Variants in MUC4 observed in about 807,000 individuals in gnomAD.
The protein encoded by MUC4 is mucin 4, cell surface associated.
In MUC4, 202 loss-of-function variants were observed where a neutral mutation model predicts 257.9. That is an observed-to-expected ratio of 0.78 (90% confidence interval 0.70 to 0.88). The LOEUF is 0.88. MUC4 is among the 40% of genes least tolerant of loss of function. The probability of loss-of-function intolerance (pLI) is 0.00; values close to 1 mark genes in which losing one functional copy is unlikely to be tolerated. For missense variants in MUC4, 5,976 were observed against 6,513.7 expected, an observed-to-expected ratio of 0.92 and a Z score of 2.84; for synonymous variants, 2,351 against 2,757.1, an observed-to-expected ratio of 0.85 and a Z score of 4.62.
At position 195,784,622 on chromosome 3, in the gene MUC4, G is replaced by C. The variant is rs375953305; in HGVS notation, c.6958C>G (p.Pro2320Ala). 1 of 1,324,074 alleles carries C rather than the reference G, an allele frequency of 7.6e-7. No homozygotes were observed. The highest frequency in any genetic ancestry group is 3.0e-5 in the East Asian group (1 of 33,188). The allele number at this position is 1,324,074 out of a possible 1,614,324, so 82.0% of individuals were successfully genotyped here. A position where few individuals can be genotyped will look rare whatever the true frequency, so the allele number is the denominator to read the frequency against. The change falls in exon 2 of 25, where the codon CCT (proline) becomes GCT (alanine). Residue 2320 changes from proline to alanine, a missense_variant. This residue lies in a region of MUC4 where 62 missense variants were observed against 74.0 expected (regional missense o/e 0.84). Transcript: ENST00000463781. ...GAGGAAAGGCTGGTGACAGGAAGAGGGGTGGCGTGACCTGTGGATGCTGAG... is the reference window on the plus strand; with the variant it reads ...GAGGAAAGGCTGGTGACAGGAAGAGCGGTGGCGTGACCTGTGGATGCTGAG... ...ASSASTGHAT[P>A]LPVTSLSSAS...
At position 195,783,984 on chromosome 3, in the gene MUC4, G is replaced by T; in HGVS notation, c.7596C>A (p.Thr2532=). Residue 2532 remains threonine (T), a synonymous_variant, in exon 2 of 25, where the codon ACC becomes ACA. Coordinates refer to ENST00000463781, the MANE Select transcript of MUC4 (RefSeq NM_018406.7). ...GACGTGTGGATAATGAGGAAGCATT[G>T]GTGACAGGAAGAGGGGTGGTGTCAC... ...STGDTTPLPV[T]NASSLSTRHA... is the part of the protein sequence containing the mutation. 1 of 1,535,668 alleles carries T rather than the reference G, an allele frequency of 6.5e-7. No individual in the cohort carries two copies. The highest frequency in any genetic ancestry group is 1.2e-5 in the South Asian group (1 of 83,618).
chr3:195,748,416 C>A (rs1715595701), intron 24 of MUC4, among the ~76,000 whole-genome samples: 1 of 152,332 alleles, frequency 6.6e-6, no homozygotes, highest in African/African-American at 2.4e-5. Flanking sequence ...ATGCAAAAAT[C>A]AGCTGGGCGT....
At position 195,789,258 on chromosome 3, in the gene MUC4, G is replaced by T; in HGVS notation, c.2322C>A (p.His774Gln). 1.9e-6 allele frequency: 3 copies of T among 1,613,932 alleles called. No homozygotes were observed. The highest frequency in any genetic ancestry group is 2.5e-6 in the Non-Finnish European group (3 of 1,179,876). ...PDTAAAMTHT[H>Q]QAESTEASGQ... is the part of the protein sequence containing the mutation. ...CAGAGGCCTCTGTGCTCTCAGCCTG[G>T]TGGGTATGGGTCATGGCTGCTGCTG... The change falls in exon 2 of 25, where the codon CAC (histidine) becomes CAA (glutamine). Residue 774 changes from histidine to glutamine, a missense_variant. By Grantham distance (24) the His-to-Gln change is conservative. Around this residue, in one of 44 missense-constraint regions of MUC4, gnomAD observed 1,583 missense variants for 1,257.4 expected, o/e 1.26. Coordinates refer to ENST00000463781, the MANE Select transcript of MUC4 (RefSeq NM_018406.7).
At chr3:195,769,258 C>A (rs2688492) in intron 6 of MUC4, 106 bp from the exon 7 acceptor site, 3 of 1,470,626 alleles carry the variant, frequency 2.0e-6, no homozygotes, top group Non-Finnish European at 2.7e-6. Flanking sequence ...ACGCACAGCA[C>A]CTGTTCCTGG....
chr3:195,802,615 T>C (rs1229034428), intron 1 of MUC4, among the ~76,000 whole-genome samples: 1 of 152,126 alleles, frequency 6.6e-6, no homozygotes, highest in Non-Finnish European at 1.5e-5. Context: ...CAGAGACTGG[T>C]GACTGGCATT....
chr3:195,769,398 A>C, intron 6 of MUC4: 1 of 511,552 alleles, frequency 2.0e-6, no homozygotes. Context: ...CCAGGAGGGG[A>C]GATAAAGGGT....
intron 12 of MUC4, 44 bp from the exon 13 acceptor site, chr3:195,762,989 A>G: frequency 6.9e-7 from 1 of 1,440,110 alleles, no homozygotes; most frequent in Non-Finnish European, 9.5e-7. Flanking sequence ...CCGCAGGTGG[A>G]GCCGACGCCC....
chr3:195,770,175 C>T (rs921414976), intron 6 of MUC4, 41 bp downstream of exon 6: 4 of 1,506,876 alleles, frequency 2.7e-6, no homozygotes, highest in African/African-American at 1.4e-5. Context: ...GGATGTCTGA[C>T]TCCCAGATAG....
At chr3:195,750,472 C>G (rs2880894) in intron 23 of MUC4, 2 of 262,424 alleles carry the variant, frequency 7.6e-6, no homozygotes, top group Admixed American at 1.1e-4. Context: ...CAGGGTGACA[C>G]CATTTCAGGG....
rs141064104 is a variant in MUC4, at chr3:195,781,653, G to C, written c.9927C>G (p.His3309Gln). The C allele has an allele frequency of 1.6e-5, 7 of 448,562 alleles. 2 individuals are homozygous for C. The highest frequency in any genetic ancestry group is 9.3e-5 in the African/African-American group (3 of 32,330). The allele number at this position is 448,562 out of a possible 1,614,324, so 27.8% of individuals were successfully genotyped here. A position where few individuals can be genotyped will look rare whatever the true frequency, so the allele number is the denominator to read the frequency against. Reference sequence around the variant, plus strand: ...CGTCGGTGACAAGAAGAGGAGTGGCGTGACCTGTGGATACTGAGGAAGTCT... The same window carrying C: ...CGTCGGTGACAAGAAGAGGAGTGGCCTGACCTGTGGATACTGAGGAAGTCT... ...VTETSSVSTG[H>Q]ATPLLVTDAS... The change falls in exon 2 of 25, where the codon CAC becomes CAG. Residue 3309 changes from histidine to glutamine, a missense_variant. By Grantham distance (24) the His-to-Gln change is conservative. Around this residue, in one of 44 missense-constraint regions of MUC4, gnomAD observed 72 missense variants for 33.5 expected, o/e 2.15. Transcript: ENST00000463781.
Position 195,784,650 on chromosome 3 carries a change from AGCGTCGGTGACATGAAG to A in MUC4, c.6913_6929del (p.Leu2305PhefsTer23), listed in dbSNP as rs1730472693. 7.3e-7 allele frequency: 1 copy of A among 1,376,780 alleles called. No homozygotes were observed. Among genetic ancestry groups the A allele is most frequent in the Admixed American group, 2.2e-5 (1 of 46,240 alleles). 85.3% of individuals were successfully genotyped at this position (1,376,780 alleles called of 1,614,324 possible). On this transcript the variant is annotated frameshift_variant, in exon 2 of 25. Transcript: ENST00000463781. LOFTEE classifies it high-confidence loss of function. ...TGGCGTGACCTGTGGATGCTGAGGA[AGCGTCGGTGACATGAAG>A]AGGGGTGGCGTGACCTGTGGATGCT...
intron 5 of MUC4, chr3:195,770,948 C>CGCGGCCGG (rs1188529364): frequency 1.6e-4 from 73 of 446,998 alleles, no homozygotes; most frequent in African/African-American, 6.2e-4. Context: ...TAGGTCTTCT[C>CGCGGCCGG]GTGGCCGGGT....
In MUC4 at chr3:195,755,956, C is replaced by T. The variant is rs1277445125; in HGVS notation, c.15168+1191G>A. Among the ~76,000 whole-genome samples the T allele has an allele frequency of 6.6e-6, 1 of 151,942 alleles. No individual in the cohort carries two copies. Among genetic ancestry groups the T allele is most frequent in the East Asian group, 1.9e-4 (1 of 5,196 alleles). On this transcript the variant is annotated intron_variant, in intron 18 of 24. Coordinates refer to ENST00000463781, the MANE Select transcript of MUC4 (RefSeq NM_018406.7). This position sits in a 1 kb window ranked among gnomAD's most constrained non-coding sequence, Gnocchi z 5.0. ...ACTTTCCTTTCTGGCTCTTCCTTTA[C>T]AACCAAAAATAAAAATAAAAAAGCA... is the stretch of plus-strand genomic sequence containing the variant.
At position 195,780,494 on chromosome 3, in the gene MUC4, G is replaced by A. The variant is rs75737861; in HGVS notation, c.11086C>T (p.Pro3696Ser). 0.19 allele frequency: 64,676 copies of A among 339,916 alleles called. 10,635 individuals carry two copies. Among genetic ancestry groups the A allele is most frequent in the African/African-American group, 0.32 (4,325 of 13,326 alleles). 21.1% of individuals were successfully genotyped at this position (339,916 alleles called of 1,614,324 possible). A position where few individuals can be genotyped will look rare whatever the true frequency, so the allele number is the denominator to read the frequency against. Residue 3696 changes from proline (P) to serine (S), a missense_variant, in exon 2 of 25, where the codon CCT becomes TCT. Around this residue, in one of 44 missense-constraint regions of MUC4, gnomAD observed 330 missense variants for 262.0 expected, o/e 1.26. Coordinates refer to ENST00000463781, the MANE Select transcript of MUC4 (RefSeq NM_018406.7). ...TSSASTGQAT[P>S]LPVTIPSSSS... ...GAGGAAGGGATGGTGACAGGAAGAG[G>A]GGTGGCCTGACCTGTGGATGCTGAG...
rs1479263915 is a variant in MUC4, at chr3:195,746,821, A to C, written c.*355T>G. On this transcript the variant is annotated 3_prime_UTR_variant, in exon 25 of 25. Transcript: ENST00000463781. ...ATTTAAATAGAGTTAATTTGAAGTA[A>C]ACCAGAGAGTTTTGTGTGCAGAAGC... 1 of 350,560 alleles carries C rather than the reference A, an allele frequency of 2.9e-6. No homozygotes were observed. The highest frequency in any genetic ancestry group is 2.1e-5 in the African/African-American group (1 of 47,526). 21.7% of individuals were successfully genotyped at this position (350,560 alleles called of 1,614,324 possible).
intron 1 of MUC4, among the ~76,000 whole-genome samples, chr3:195,804,631 G>A (rs925884323): frequency 2.0e-5 from 3 of 152,226 alleles, no homozygotes; most frequent in African/African-American, 7.2e-5. Context: ...ACTTCCTGAC[G>A]GGTGGGGCCC....
At position 195,787,619 on chromosome 3, in the gene MUC4, C is replaced by G. The variant is rs1337159813; in HGVS notation, c.3961G>C (p.Ala1321Pro). 1 of 655,372 alleles carries G rather than the reference C, an allele frequency of 1.5e-6. No homozygotes were observed. The highest frequency in any genetic ancestry group is 9.8e-5 in the African/African-American group (1 of 10,174). 40.6% of individuals were successfully genotyped at this position (655,372 alleles called of 1,614,324 possible). A position where few individuals can be genotyped will look rare whatever the true frequency, so the allele number is the denominator to read the frequency against. The part of the protein sequence containing the change: ...TPLPVTSLSS[A>P]STGDTMPLPV... ...AGAGGCATGGTGTCACCTGTGGATG[C>G]TGAGGAAAGGCTGGTGACAGGAAGA... Residue 1321 changes from alanine to proline, a missense_variant, in exon 2 of 25, where the codon GCA becomes CCA. Ala to Pro is a conservative substitution (Grantham distance 27). Transcript: ENST00000463781.
At chr3:195,796,325 T>C (rs1734576797) in intron 1 of MUC4, among the ~76,000 whole-genome samples, 2 of 151,922 alleles carry the variant, frequency 1.3e-5, no homozygotes, top group South Asian at 4.2e-4. Context: ...TCAGGTGATC[T>C]ACCCACCTCG....
At position 195,754,985 on chromosome 3, in the gene MUC4, T is replaced by A. The variant is rs111312020; in HGVS notation, c.15169-613A>T. Among the ~76,000 whole-genome samples, 1,401 of 152,242 alleles carry A rather than the reference T, an allele frequency of 9.2e-3. 32 individuals are homozygous for A. The highest frequency in any genetic ancestry group is 0.032 in the African/African-American group (1,348 of 41,520). ...ATGTGTGTATGTATCCATGTGTGTA[T>A]GTATCCATGTATGTCCTATTGCTTG... is the stretch of plus-strand genomic sequence containing the variant. On this transcript the variant is annotated intron_variant, in intron 18 of 24. Transcript: ENST00000463781.
Sources: gnomAD v4.1 joint callset for allele counts (sites outside exome capture counted in the v4.1 genomes callset) on GRCh38, gnomAD v4.1.1 for gene constraint, gnomAD v4.1.1 regional missense constraint, Gnocchi (gnomAD v3.1) non-coding constraint, MANE v1.5 for transcripts, NCBI Gene and HGNC (gene_info 2026-07-23, HGNC 2026-07-21) for gene names.